Variants in CENPC observed in about 807,000 individuals in gnomAD.
The protein encoded by CENPC is CENP-C 1.
CENPC carries 63 observed loss-of-function variants against 112.1 expected under a neutral mutation model. The ratio of observed to expected loss-of-function variants is 0.56; its 90% CI spans 0.46 to 0.69. The LOEUF is 0.69. Among genes scored for constraint, CENPC ranks in the 30% least tolerant of loss-of-function variants. The pLI is 0.00. For synonymous variants in CENPC, 333 were observed against 367.6 expected (o/e 0.91, Z 1.08); for missense variants, 1,000 against 1,103.8 (o/e 0.91, Z 1.33).
At chr4:67,494,052 A>C in intron 13 of CENPC, 64 bp from the exon 14 acceptor site, 1 of 871,176 alleles carries the variant, frequency 1.1e-6, no homozygotes, top group Non-Finnish European at 1.7e-6. Context: ...TAGCAGTGGA[A>C]AGACTGTCTT....
At chr4:67,526,804 C>T (rs1025885298) in intron 5 of CENPC, among the ~76,000 whole-genome samples, 4 of 152,018 alleles carry the variant, frequency 2.6e-5, no homozygotes, top group Non-Finnish European at 4.4e-5. Context: ...CAATAGTGCA[C>T]AATAATTGAC....
chr4:67,488,390 A>G lies in CENPC; in HGVS notation c.2670+1577T>C, dbSNP rs375599757. Among the ~76,000 whole-genome samples the G allele has an allele frequency of 5.3e-5, 8 of 152,104 alleles. No homozygotes were observed. The South Asian group carries it at 1.7e-3, about 32-fold the overall frequency. On this transcript the variant is annotated intron_variant, in intron 17 of 18. Transcript: ENST00000273853. ...CATTGTAGTGGTTTCTAATTCTGCA[A>G]TTACCATCAATGATTCAATAAATAA...
chr4:67,477,257 C>T (rs1724830483), intron 17 of CENPC, among the ~76,000 whole-genome samples: 1 of 152,172 alleles, frequency 6.6e-6, no homozygotes, highest in Non-Finnish European at 1.5e-5. Context: ...AGAAAACCAG[C>T]ACACTAAACA....
At chr4:67,530,425 CT>C (rs201951277) in intron 5 of CENPC, among the ~76,000 whole-genome samples, 158 of 144,254 alleles carry the variant, frequency 1.1e-3, no homozygotes, top group Middle Eastern at 3.6e-3. Context: ...AACACACATG[CT>C]TTTTTTTTTT....
chr4:67,493,019 A>G, intron 14 of CENPC, 22 bp from the exon 15 acceptor site: 1 of 1,503,874 alleles, frequency 6.6e-7, no homozygotes, highest in Non-Finnish European at 8.8e-7. Flanking sequence ...CAAAAAAAGT[A>G]AAATATACAT....
At chr4:67,535,452 A>G (rs182687882) in intron 4 of CENPC, among the ~76,000 whole-genome samples, 3 of 152,092 alleles carry the variant, frequency 2.0e-5, no homozygotes, top group Admixed American at 2.0e-4. Flanking sequence ...AAAAAAAAAG[A>G]GCAGGGACAG....
chr4:67,495,029 TTTTAA>T, intron 13 of CENPC, 125 bp downstream of exon 13: 1 of 939,674 alleles, frequency 1.1e-6, no homozygotes, highest in Non-Finnish European at 1.5e-6. Context: ...AAGTGCATAA[TTTTAA>T]TTTATCTGCC....
At position 67,514,287 on chromosome 4, in the gene CENPC, A is replaced by G; in HGVS notation, c.1231T>C (p.Ser411Pro). 1 of 1,610,324 alleles carries G rather than the reference A, an allele frequency of 6.2e-7. No homozygotes were observed. Among genetic ancestry groups the G allele is most frequent in the Non-Finnish European group, 8.5e-7 (1 of 1,177,788 alleles). ...EMYSKNAEKP[S>P]RSKRTIKQKQ... ...TGTTTTATAGTCCTTTTGCTTCTAG[A>G]TGGTTTTTCTGCATTCTTGGAATAC... Residue 411 changes from serine to proline, a missense_variant, in exon 8 of 19, where the codon TCT (serine) becomes CCT (proline). Physicochemically the swap from Ser to Pro is moderately conservative, Grantham distance 74. Transcript: ENST00000273853.
rs777788368 is a variant in CENPC, at chr4:67,514,212, C to T, written c.1306G>A (p.Val436Met). Residue 436 changes from valine (V) to methionine (M), a missense_variant, in exon 8 of 19, where the codon GTG (valine) becomes ATG (methionine). Transcript: ENST00000273853. ...MAKPAEEQLD[V>M]GQSKDENIHT... ...ATGTTTTCATCTTTAGACTGTCCCA[C>T]ATCAAGCTGTTCTTCAGCTGGTTTA... is the stretch of plus-strand genomic sequence containing the variant. The T allele has an allele frequency of 1.3e-5, 21 of 1,613,154 alleles. No homozygotes were observed. The highest frequency in any genetic ancestry group is 8.5e-7 in the Non-Finnish European group (1 of 1,179,662).
At chr4:67,477,790 G>GAAAACC (rs1209871118) in intron 17 of CENPC, among the ~76,000 whole-genome samples, 2 of 151,854 alleles carry the variant, frequency 1.3e-5, no homozygotes, top group Non-Finnish European at 2.9e-5. Flanking sequence ...CCAACTTAAA[G>GAAAACC]AATTTTTTTT....
At chr4:67,528,458 A>G (rs1726450162) in intron 5 of CENPC, among the ~76,000 whole-genome samples, 5 of 152,140 alleles carry the variant, frequency 3.3e-5, no homozygotes, top group Admixed American at 3.3e-4. Flanking sequence ...TGTACACATC[A>G]AACATTAAAT....
At chr4:67,502,641 A>T (rs1203924444) in intron 12 of CENPC, among the ~76,000 whole-genome samples, 1 of 152,188 alleles carries the variant, frequency 6.6e-6, no homozygotes, top group Non-Finnish European at 1.5e-5. Flanking sequence ...AGCAGTCCTT[A>T]ATAGATCTCA....
At chr4:67,486,972 T>TTTG (rs1553892738) in intron 17 of CENPC, among the ~76,000 whole-genome samples, 2 of 150,294 alleles carry the variant, frequency 1.3e-5, no homozygotes, top group Non-Finnish European at 3.0e-5. Context: ...TTTTAGGTTT[T>TTTG]TTTTTTTTTT....
chr4:67,478,666 A>ACACACACAC (rs146500743), intron 17 of CENPC, among the ~76,000 whole-genome samples: 1 of 76,526 alleles, frequency 1.3e-5, no homozygotes, highest in African/African-American at 3.9e-5. Context: ...ACACACACAC[A>ACACACACAC]CCCAAAGTAT....
chr4:67,484,371 G>A (rs755563391), intron 17 of CENPC, among the ~76,000 whole-genome samples: 1 of 152,174 alleles, frequency 6.6e-6, no homozygotes, highest in Non-Finnish European at 1.5e-5. Flanking sequence ...AGCAGCAACT[G>A]AAAACTAATA....
intron 5 of CENPC, among the ~76,000 whole-genome samples, chr4:67,525,452 T>C (rs1726347987): frequency 6.6e-6 from 1 of 152,028 alleles, no homozygotes; most frequent in Non-Finnish European, 1.5e-5. Context: ...TACAAGAAAC[T>C]TAAACAAATT....
chr4:67,502,464 C>T (rs1725618404), intron 12 of CENPC, among the ~76,000 whole-genome samples: 1 of 152,076 alleles, frequency 6.6e-6, no homozygotes, highest in Non-Finnish European at 1.5e-5. Flanking sequence ...AAACAAACTA[C>T]AAAGTAAAAA....
intron 5 of CENPC, among the ~76,000 whole-genome samples, chr4:67,527,865 G>A (rs1726429764): frequency 1.3e-5 from 2 of 151,698 alleles, no homozygotes; most frequent in African/African-American, 4.8e-5. Context: ...GGAAATTAAA[G>A]ACATAAACTA....
At chr4:67,494,013 T>A (rs1725359935) in intron 13 of CENPC, 25 bp from the exon 14 acceptor site, 1 of 1,496,862 alleles carries the variant, frequency 6.7e-7, no homozygotes. Flanking sequence ...CAGACAAAAG[T>A]GTATACATAG....
Sources: allele counts gnomAD v4.1 joint callset (sites outside exome capture counted in the v4.1 genomes callset), GRCh38; gene constraint gnomAD v4.1.1; transcripts MANE v1.5; gene names NCBI Gene and HGNC (gene_info 2026-07-23, HGNC 2026-07-21).